The following PPARGC1A variants were observed in gnomAD, a reference collection of about 807,000 sequenced individuals.
The protein encoded by PPARGC1A is PPARG coactivator 1 alpha, also known as peroxisome proliferator-activated receptor gamma coactivator 1-alpha.
PPARGC1A carries 25 observed loss-of-function variants against 88.7 expected under a neutral mutation model. The observed-to-expected ratio is 0.28, with a 90% CI of 0.21 to 0.39. The LOEUF (loss-of-function observed/expected upper bound fraction) is 0.39, where lower values mean the gene tolerates loss of function less well. Among genes scored for constraint, PPARGC1A ranks in the 10% least tolerant of loss-of-function variants. PPARGC1A has a pLI of 1.00. For synonymous variants in PPARGC1A, 363 were observed against 355.6 expected (o/e 1.02, Z -0.24); for missense variants, 880 against 968.7 (o/e 0.91, Z 1.22).
At chr4:24,103,578 C>T in the PPARGC1A span, among the ~76,000 whole-genome samples, 5 of 137,062 alleles carry the variant, frequency 3.6e-5, no homozygotes, top group Admixed American at 7.7e-5. Context: ...TTTTAAGATG[C>T]GCTTAATGCC....
At chr4:24,229,709 G>A in the PPARGC1A span, among the ~76,000 whole-genome samples, 3 of 151,940 alleles carry the variant, frequency 2.0e-5, no homozygotes, top group Non-Finnish European at 4.4e-5. Flanking sequence ...GCTGGGTATA[G>A]TGGCACATGC....
chr4:23,987,849 T>A, the PPARGC1A span, among the ~76,000 whole-genome samples: 1 of 152,002 alleles, frequency 6.6e-6, no homozygotes, highest in Non-Finnish European at 1.5e-5. Context: ...TGCAGGTTTG[T>A]TACATAGGTA....
chr4:23,910,169 ATATATAATAAATATATAT>A, the PPARGC1A span, among the ~76,000 whole-genome samples: 1 of 123,534 alleles, frequency 8.1e-6, no homozygotes, highest in Non-Finnish European at 1.6e-5. Context: ...TAAATATATA[ATATATAATAAATATATAT>A]AAAATATATA....
the PPARGC1A span, among the ~76,000 whole-genome samples, chr4:23,927,328 G>A: frequency 5.3e-5 from 8 of 152,106 alleles, no homozygotes; most frequent in Admixed American, 4.6e-4. Context: ...ATATGTCCAG[G>A]ACTGTCTGCA....
chr4:24,056,802 A>C, the PPARGC1A span, among the ~76,000 whole-genome samples: 1 of 152,184 alleles, frequency 6.6e-6, no homozygotes, highest in Non-Finnish European at 1.5e-5. Flanking sequence ...TGAAAATGAT[A>C]AATGTTGATG....
At chr4:24,103,907 C>T in the PPARGC1A span, among the ~76,000 whole-genome samples, 3 of 152,296 alleles carry the variant, frequency 2.0e-5, no homozygotes, top group Admixed American at 6.5e-5. Context: ...TCCTTTCAGC[C>T]GGGCCCGTCA....
At chr4:24,227,027 A>C in the PPARGC1A span, among the ~76,000 whole-genome samples, 1 of 152,088 alleles carries the variant, frequency 6.6e-6, no homozygotes, top group Non-Finnish European at 1.5e-5. Context: ...AATGAGGAAA[A>C]CCACATACTT....
chr4:24,376,498 A>C, the PPARGC1A span, among the ~76,000 whole-genome samples: 4 of 152,212 alleles, frequency 2.6e-5, no homozygotes, highest in African/African-American at 9.6e-5. Context: ...AAAAGTTGTA[A>C]ATTTTATGAA....
At chr4:23,844,167 ATG>A (rs932019631) in intron 2 of PPARGC1A, among the ~76,000 whole-genome samples, 6 of 150,112 alleles carry the variant, frequency 4.0e-5, no homozygotes, top group Non-Finnish European at 7.4e-5. Flanking sequence ...CAGTATACAT[ATG>A]TGTGTATATA....
chr4:24,280,869 C>G, the PPARGC1A span, among the ~76,000 whole-genome samples: 3 of 152,196 alleles, frequency 2.0e-5, no homozygotes, highest in African/African-American at 7.2e-5. Flanking sequence ...CTTGCTGAAG[C>G]CTTATAAAGT....
the PPARGC1A span, among the ~76,000 whole-genome samples, chr4:24,373,830 C>A: frequency 6.6e-6 from 1 of 152,194 alleles, no homozygotes; most frequent in Non-Finnish European, 1.5e-5. Flanking sequence ...TCACCTTTTT[C>A]ACTTTCTGTG....
In PPARGC1A at chr4:23,802,223, C is replaced by T; in HGVS notation, c.2141+1G>A. 6.2e-7 allele frequency: 1 copy of T among 1,614,016 alleles called. No homozygotes were observed. Among genetic ancestry groups the T allele is most frequent in the Non-Finnish European group, 8.5e-7 (1 of 1,179,956 alleles). On this transcript the variant is annotated splice_donor_variant, in intron 11 of 12. Transcript: ENST00000264867. LOFTEE classifies it high-confidence loss of function. Reference sequence around the variant, plus strand: ...CAAGAAATAATCTTGAAGATTCTCACCCATCATCCCGCAGATTTACTGTGC... The same window carrying T: ...CAAGAAATAATCTTGAAGATTCTCATCCATCATCCCGCAGATTTACTGTGC...
At chr4:24,441,715 G>GAAGGAAGA in the PPARGC1A span, among the ~76,000 whole-genome samples, 2 of 152,096 alleles carry the variant, frequency 1.3e-5, no homozygotes, top group Non-Finnish European at 2.9e-5. Flanking sequence ...GAAGAGGAGG[G>GAAGGAAGA]AAGGAAGAAA....
chr4:23,810,723 G>A lies in PPARGC1A; in HGVS notation c.2019+2024C>T, dbSNP rs1031494453. On this transcript the variant is annotated intron_variant, in intron 10 of 12. Coordinates refer to ENST00000264867, the MANE Select transcript of PPARGC1A (RefSeq NM_013261.5). ...GAAACTATTAATCTTTCTCTTTAAT[G>A]TCCTATTTTTGGGGGAAAAATGAAG... is the stretch of plus-strand genomic sequence containing the variant. Among the ~76,000 whole-genome samples, 5 of 152,106 alleles carry A rather than the reference G, an allele frequency of 3.3e-5. No individual in the cohort carries two copies. In the East Asian group the frequency reaches 9.7e-4, roughly 29 times the overall value.
chr4:23,964,520 T>C, the PPARGC1A span, among the ~76,000 whole-genome samples: 3 of 152,222 alleles, frequency 2.0e-5, no homozygotes, highest in East Asian at 5.8e-4. Context: ...TTAAGACCTG[T>C]TGACCAAGTC....
At chr4:24,094,108 C>A in the PPARGC1A span, among the ~76,000 whole-genome samples, 1 of 152,148 alleles carries the variant, frequency 6.6e-6, no homozygotes, top group Admixed American at 6.6e-5. Flanking sequence ...GCGGTGACTG[C>A]AGATGCGTGT....
intron 4 of PPARGC1A, 48 bp downstream of exon 4, chr4:23,829,414 CA>C: frequency 6.3e-7 from 1 of 1,596,702 alleles, no homozygotes. Context: ...TGCTTCAAGC[CA>C]AAATCCTTTG....
chr4:24,025,126 T>C, the PPARGC1A span, among the ~76,000 whole-genome samples: 2 of 152,344 alleles, frequency 1.3e-5, no homozygotes, highest in South Asian at 2.1e-4. Context: ...GTGAAAATGA[T>C]CCCTAGTCCT....
chr4:24,281,267 A>T, the PPARGC1A span, among the ~76,000 whole-genome samples: 2 of 152,238 alleles, frequency 1.3e-5, no homozygotes, highest in African/African-American at 4.8e-5. Context: ...TGGGTAAATT[A>T]TAAAGAAAAG....
Sources: allele counts gnomAD v4.1 joint callset (sites outside exome capture counted in the v4.1 genomes callset), GRCh38; gene constraint gnomAD v4.1.1; transcripts MANE v1.5; gene names NCBI Gene and HGNC (gene_info 2026-07-23, HGNC 2026-07-21).